GRID2: variants seen among roughly 807,000 people sequenced by gnomAD.
GRID2 encodes glutamate ionotropic receptor delta type subunit 2, also known as glutamate receptor ionotropic, delta-2.
A neutral mutation model predicts 114.8 loss-of-function variants in GRID2; 33 were observed. That is an observed-to-expected ratio of 0.29 (90% CI 0.22 to 0.38). The LOEUF (loss-of-function observed/expected upper bound fraction) is 0.38, where lower values mean the gene tolerates loss of function less well. Ranked by LOEUF, GRID2 falls within the 10% of genes least tolerant of loss-of-function variation. The pLI is 1.00. For missense variants in GRID2, 1,184 were observed against 1,257.7 expected (o/e 0.94, Z 0.89); for synonymous variants, 505 against 449.9 (o/e 1.12, Z -1.55).
At chr4:92,711,113 G>A (rs1367073561) in intron 2 of GRID2, among the ~76,000 whole-genome samples, 1 of 151,836 alleles carries the variant, frequency 6.6e-6, no homozygotes, top group East Asian at 1.9e-4. Context: ...CTTATACTTT[G>A]TACTATTTTT....
intron 2 of GRID2, among the ~76,000 whole-genome samples, chr4:93,072,497 T>A (rs1216358466): frequency 6.6e-6 from 1 of 152,112 alleles, no homozygotes; most frequent in Non-Finnish European, 1.5e-5. Flanking sequence ...CAGAAGGATA[T>A]GAAACAGAGC....
chr4:92,837,825 C>G (rs2149406036), intron 2 of GRID2, among the ~76,000 whole-genome samples: 1 of 152,120 alleles, frequency 6.6e-6, no homozygotes, highest in Non-Finnish European at 1.5e-5. Flanking sequence ...TTAACAACAA[C>G]CTAATTGTGG....
chr4:93,562,870 C>G (rs1055009708), intron 13 of GRID2, among the ~76,000 whole-genome samples: 1 of 151,988 alleles, frequency 6.6e-6, no homozygotes, highest in Non-Finnish European at 1.5e-5. Context: ...TCTGGGCTCT[C>G]TATTCTGTTC....
intron 2 of GRID2, among the ~76,000 whole-genome samples, chr4:92,646,895 T>TG (rs1315606807): frequency 5.9e-4 from 1 of 1,682 alleles, no homozygotes; most frequent in Non-Finnish European, 2.4e-3. Context: ...ATTCTTTTTT[T>TG]TTTTTTTTTT....
intron 8 of GRID2, among the ~76,000 whole-genome samples, chr4:93,290,665 T>G (rs2149144343): frequency 6.6e-6 from 1 of 152,130 alleles, no homozygotes; most frequent in African/African-American, 2.4e-5. Context: ...CTGGTAGTAT[T>G]TGTGGTTTTG....
At chr4:93,560,221 G>GGAAA (rs1734769092) in intron 13 of GRID2, among the ~76,000 whole-genome samples, 1 of 7,478 alleles carries the variant, frequency 1.3e-4, no homozygotes, top group Non-Finnish European at 2.6e-4. Flanking sequence ...AGAACTTAAA[G>GGAAA]TAAAAAAAAA....
At chr4:92,504,357 G>C (rs1259861642) in intron 1 of GRID2, among the ~76,000 whole-genome samples, 1 of 151,962 alleles carries the variant, frequency 6.6e-6, no homozygotes, top group East Asian at 1.9e-4. Flanking sequence ...TACATGTCAG[G>C]ACTGTGTGCT....
chr4:92,744,317 G>A (rs757580092), intron 2 of GRID2, among the ~76,000 whole-genome samples: 2 of 151,816 alleles, frequency 1.3e-5, no homozygotes, highest in African/African-American at 2.4e-5. Context: ...GTGAAACCCC[G>A]TCTCTACTAA....
intron 2 of GRID2, among the ~76,000 whole-genome samples, chr4:92,738,736 T>C (rs958480225): frequency 6.6e-6 from 1 of 152,066 alleles, no homozygotes; most frequent in Non-Finnish European, 1.5e-5. Flanking sequence ...ACTGCAGCAC[T>C]GAACTCCTAG....
intron 2 of GRID2, among the ~76,000 whole-genome samples, chr4:92,651,153 A>T (rs1176373215): frequency 1.3e-5 from 2 of 152,106 alleles, no homozygotes; most frequent in South Asian, 2.1e-4. Context: ...TGTATGCCGG[A>T]AAGGAAAACC....
chr4:93,576,922 A>G (rs1736480528), intron 13 of GRID2, among the ~76,000 whole-genome samples: 1 of 152,216 alleles, frequency 6.6e-6, no homozygotes, highest in Non-Finnish European at 1.5e-5. Flanking sequence ...GGAAGGATGA[A>G]AAAGAAAAAT....
At chr4:92,744,201 A>T (rs1176522050) in intron 2 of GRID2, among the ~76,000 whole-genome samples, 2 of 152,246 alleles carry the variant, frequency 1.3e-5, no homozygotes, top group East Asian at 1.9e-4. Flanking sequence ...TGCTTTTAAG[A>T]TATTCAGAGG....
intron 9 of GRID2, among the ~76,000 whole-genome samples, chr4:93,411,426 A>G (rs982031815): frequency 4.1e-5 from 6 of 146,458 alleles, no homozygotes; most frequent in African/African-American, 1.6e-4. Context: ...TTTTTAATTG[A>G]ATAGATTTTT....
At chr4:92,875,972 G>A (rs150556342) in intron 2 of GRID2, among the ~76,000 whole-genome samples, 35 of 152,258 alleles carry the variant, frequency 2.3e-4, no homozygotes, top group African/African-American at 5.3e-4. Context: ...AGCAGAGAGC[G>A]CCTTTACTGG....
intron 8 of GRID2, among the ~76,000 whole-genome samples, chr4:93,286,694 G>GGGGT (rs1753197840): frequency 1.3e-5 from 2 of 148,192 alleles, no homozygotes; most frequent in African/African-American, 5.1e-5. Context: ...TGTGTGTGGG[G>GGGGT]GTGTGTGTGT....
intron 14 of GRID2, among the ~76,000 whole-genome samples, chr4:93,633,205 G>A (rs1208770877): frequency 6.6e-6 from 1 of 151,698 alleles, no homozygotes; most frequent in Non-Finnish European, 1.5e-5. Context: ...CTTAGTTGTA[G>A]TCTTTTTTCC....
intron 13 of GRID2, among the ~76,000 whole-genome samples, chr4:93,599,182 G>A (rs557564173): frequency 4.0e-4 from 61 of 152,160 alleles, no homozygotes; most frequent in Non-Finnish European, 7.5e-4. Flanking sequence ...AATGTTGTTG[G>A]ATGGACTTGA....
At chr4:92,776,060 A>C (rs1738778427) in intron 2 of GRID2, among the ~76,000 whole-genome samples, 1 of 152,198 alleles carries the variant, frequency 6.6e-6, no homozygotes, top group African/African-American at 2.4e-5. Context: ...ATATGTTTTG[A>C]TAATCTCAGA....
chr4:92,841,480 C>G (rs2149410276), intron 2 of GRID2, among the ~76,000 whole-genome samples: 1 of 152,040 alleles, frequency 6.6e-6, no homozygotes, highest in East Asian at 1.9e-4. Context: ...ATTTCCAGAC[C>G]ACAAGACTCA....
Sources: allele counts gnomAD v4.1 joint callset (sites outside exome capture counted in the v4.1 genomes callset), GRCh38; gene constraint gnomAD v4.1.1; transcripts MANE v1.5; gene names NCBI Gene and HGNC (gene_info 2026-07-23, HGNC 2026-07-21).